The following FAF1 variants were observed in gnomAD, a reference collection of about 807,000 sequenced individuals.
The protein encoded by FAF1 is FAS-associated factor 1.
In FAF1, 25 loss-of-function variants were observed where a neutral mutation model predicts 92.5. The ratio of observed to expected loss-of-function variants is 0.27; its 90% CI spans 0.20 to 0.38. The LOEUF (loss-of-function observed/expected upper bound fraction) is 0.38. Among genes scored for constraint, FAF1 ranks in the 10% least tolerant of loss-of-function variants. FAF1 has a pLI of 1.00. For synonymous variants in FAF1, 234 were observed against 273.2 expected (o/e 0.86, Z 1.42); for missense variants, 636 against 793.3 (o/e 0.80, Z 2.38).
intron 18 of FAF1, among the ~76,000 whole-genome samples, chr1:50,474,422 T>G (rs915929268): frequency 6.6e-4 from 100 of 152,164 alleles, no homozygotes; most frequent in African/African-American, 2.3e-3. Context: ...TTTTTTAAAT[T>G]TTTTATTTCC....
chr1:50,595,057 T>C (rs559878744), intron 9 of FAF1, among the ~76,000 whole-genome samples: 1 of 151,896 alleles, frequency 6.6e-6, no homozygotes, highest in South Asian at 2.1e-4. Flanking sequence ...TATCTTTTTA[T>C]TTTTATTTTT....
intron 7 of FAF1, among the ~76,000 whole-genome samples, chr1:50,671,404 C>CA (rs548995973): frequency 0.016 from 1,928 of 119,636 alleles, 30 homozygotes; most frequent in African/African-American, 0.045. Flanking sequence ...GACTCCGTCT[C>CA]AAAAAAAAAA....
chr1:50,751,475 C>G (rs949150298), intron 4 of FAF1, among the ~76,000 whole-genome samples: 5 of 151,930 alleles, frequency 3.3e-5, no homozygotes, highest in Non-Finnish European at 7.4e-5. Context: ...TCCCATGTAG[C>G]TGGGACTACA....
chr1:50,663,403 A>G (rs1325620684), intron 7 of FAF1, among the ~76,000 whole-genome samples: 1 of 149,672 alleles, frequency 6.7e-6, no homozygotes, highest in Non-Finnish European at 1.5e-5. Flanking sequence ...TTTTTTTTAA[A>G]TTTTAATTTC....
intron 18 of FAF1, among the ~76,000 whole-genome samples, chr1:50,443,206 C>T (rs767919238): frequency 7.2e-5 from 11 of 152,050 alleles, no homozygotes; most frequent in African/African-American, 1.2e-4. Flanking sequence ...TTGGGAGAAA[C>T]GATCATTGTA....
At position 50,475,471 on chromosome 1, in the gene FAF1, C is replaced by T. The variant is rs1646627184; in HGVS notation, c.1862G>A (p.Arg621Lys). 1 of 1,612,234 alleles carries T rather than the reference C, an allele frequency of 6.2e-7. No individual in the cohort carries two copies. The highest frequency in any genetic ancestry group is 1.7e-5 in the Admixed American group (1 of 59,950). Reference sequence around the variant, plus strand: ...ATAGGTATGGGAACTTACGTCTCTCCTAGGAAAGGTGCTCAGTAACTTGTA... The same window carrying T: ...ATAGGTATGGGAACTTACGTCTCTCTTAGGAAAGGTGCTCAGTAACTTGTA... Reference protein sequence around the residue: ...DEYKLLSTFPRRDVTQLDPNK... With the variant: ...DEYKLLSTFPKRDVTQLDPNK... Residue 621 changes from arginine (R) to lysine (K), a missense_variant, in exon 18 of 19, where the codon AGG (arginine) becomes AAG (lysine). Physicochemically the swap from Arg to Lys is conservative, Grantham distance 26. Around this residue, in one of 2 missense-constraint regions of FAF1, gnomAD observed 319 missense variants for 451.0 expected, o/e 0.71. Transcript: ENST00000396153.
At chr1:50,640,268 C>T in intron 8 of FAF1, among the ~76,000 whole-genome samples, 1 of 150,532 alleles carries the variant, frequency 6.6e-6, no homozygotes, top group Non-Finnish European at 1.5e-5. Context: ...ATGTAATAAG[C>T]TGGTCCTGAA....
chr1:50,539,223 A>G (rs1648642310), intron 14 of FAF1, among the ~76,000 whole-genome samples: 1 of 152,354 alleles, frequency 6.6e-6, no homozygotes, highest in African/African-American at 2.4e-5. Context: ...GATTTTCTAG[A>G]TAACTAAAGA....
intron 1 of FAF1, among the ~76,000 whole-genome samples, chr1:50,890,913 C>T (rs1254531829): frequency 6.6e-6 from 1 of 152,160 alleles, no homozygotes; most frequent in Non-Finnish European, 1.5e-5. Flanking sequence ...GCCCGCCTTG[C>T]TAGATTGGGG....
chr1:50,877,380 A>C (rs2124685728), intron 1 of FAF1, among the ~76,000 whole-genome samples: 1 of 152,342 alleles, frequency 6.6e-6, no homozygotes, highest in Middle Eastern at 3.4e-3. Context: ...GAAAACTGTC[A>C]GCCATCAAAA....
intron 7 of FAF1, among the ~76,000 whole-genome samples, chr1:50,661,061 TATAAC>T (rs1195785114): frequency 8.6e-5 from 13 of 151,818 alleles, no homozygotes; most frequent in Admixed American, 4.6e-4. Flanking sequence ...TAGAAAAAAA[TATAAC>T]AGACATCAAA....
At position 50,662,850 on chromosome 1, in the gene FAF1, A is replaced by G. The variant is rs1454776476; in HGVS notation, c.658-7322T>C. ...CGAGTAGCTGGGACTGCAGGCACCC[A>G]CTAGCGCGCCCGGCTAATTTTTTGT... On this transcript the variant is annotated intron_variant, in intron 7 of 18. Coordinates refer to ENST00000396153, the MANE Select transcript of FAF1 (RefSeq NM_007051.3). Among the ~76,000 whole-genome samples, 9 of 148,084 alleles carry G rather than the reference A, an allele frequency of 6.1e-5. 1 individual carries two copies. Among genetic ancestry groups the G allele is most frequent in the African/African-American group, 2.4e-4 (9 of 38,058 alleles).
chr1:50,678,845 G>A (rs894341121), intron 7 of FAF1, among the ~76,000 whole-genome samples: 1 of 144,218 alleles, frequency 6.9e-6, no homozygotes, highest in Non-Finnish European at 1.5e-5. Context: ...CCAACACTTT[G>A]GGAGGCCGAG....
intron 7 of FAF1, among the ~76,000 whole-genome samples, chr1:50,672,086 C>A (rs1251398657): frequency 6.6e-6 from 1 of 151,284 alleles, no homozygotes; most frequent in Non-Finnish European, 1.5e-5. Context: ...TGCTCTGTCA[C>A]CCAGGCTGGA....
At chr1:50,610,486 C>T (rs1652637465) in intron 8 of FAF1, among the ~76,000 whole-genome samples, 4 of 152,012 alleles carry the variant, frequency 2.6e-5, no homozygotes, top group South Asian at 4.2e-4. Context: ...TTATATTTCA[C>T]GTTAATTGTT....
At position 50,589,843 on chromosome 1, in the gene FAF1, T is replaced by C. The variant is rs188758764; in HGVS notation, c.841-5032A>G. ...AGTTAGGTCTTTCATATATTTTGAG[T>C]TTAGTTTTGCATATGATATTAGGTA... On this transcript the variant is annotated intron_variant, in intron 9 of 18. Transcript: ENST00000396153. Among the ~76,000 whole-genome samples the C allele has an allele frequency of 2.2e-3, 342 of 152,320 alleles. 3 individuals carry two copies. The highest frequency in any genetic ancestry group is 8.1e-3 in the African/African-American group (338 of 41,584).
At chr1:50,480,495 A>G (rs531454666) in intron 17 of FAF1, among the ~76,000 whole-genome samples, 52 of 152,330 alleles carry the variant, frequency 3.4e-4, no homozygotes, top group African/African-American at 1.1e-3. Context: ...ATGAATTCTT[A>G]CTGAGCATCT....
At chr1:50,778,996 T>C (rs1451660087) in intron 4 of FAF1, among the ~76,000 whole-genome samples, 1 of 152,234 alleles carries the variant, frequency 6.6e-6, no homozygotes, top group African/African-American at 2.4e-5. Context: ...CCTGCCACTG[T>C]TTTATCAATT....
In FAF1 at chr1:50,448,694, C is replaced by T. The variant is rs549215164; in HGVS notation, c.1870-7171G>A. Among the ~76,000 whole-genome samples, 4 of 152,312 alleles carry T rather than the reference C, an allele frequency of 2.6e-5. No individual in the cohort carries two copies. In the East Asian group the frequency reaches 7.7e-4, roughly 29 times the overall value. ...CAGGCAAAGAATACATCAGCAAGCCCCTTGGCTGCTTAATCTCAAATCACA... is the reference window on the plus strand; with the variant it reads ...CAGGCAAAGAATACATCAGCAAGCCTCTTGGCTGCTTAATCTCAAATCACA... On this transcript the variant is annotated intron_variant, in intron 18 of 18. Coordinates refer to ENST00000396153, the MANE Select transcript of FAF1 (RefSeq NM_007051.3).
Sources: gnomAD v4.1 joint callset for allele counts (sites outside exome capture counted in the v4.1 genomes callset) on GRCh38, gnomAD v4.1.1 for gene constraint, gnomAD v4.1.1 regional missense constraint, MANE v1.5 for transcripts, NCBI Gene and HGNC (gene_info 2026-07-23, HGNC 2026-07-21) for gene names.